Variants in PACRG observed in about 807,000 individuals in gnomAD.
PACRG encodes the protein parkin coregulated.
A neutral mutation model predicts 29.7 loss-of-function variants in PACRG; 29 were observed. That is an observed-to-expected ratio of 0.98 (90% CI 0.73 to 1.33). PACRG has a LOEUF of 1.33. Ranked by LOEUF, PACRG falls within the 40% of genes most tolerant of loss-of-function variation. The pLI, the probability that PACRG is intolerant of heterozygous loss-of-function variation, is 0.00. For synonymous variants in PACRG, 116 were observed against 118.7 expected (o/e 0.98, Z 0.15); for missense variants, 279 against 316.2 (o/e 0.88, Z 0.89).
At chr6:163,086,107 TA>T (rs1342547608) in intron 3 of PACRG, among the ~76,000 whole-genome samples, 1 of 152,220 alleles carries the variant, frequency 6.6e-6, no homozygotes, top group Non-Finnish European at 1.5e-5. Context: ...GCATAGTTGG[TA>T]GACTTTGAAA....
intron 4 of PACRG, chr6:163,101,069 C>T (rs560580696): frequency 2.9e-5 from 28 of 981,596 alleles, no homozygotes; most frequent in East Asian, 2.3e-4. Context: ...CATTTTGAGG[C>T]GGTCATACAA....
chr6:163,037,266 G>A (rs1342972018), intron 2 of PACRG, among the ~76,000 whole-genome samples: 1 of 152,204 alleles, frequency 6.6e-6, no homozygotes, highest in Non-Finnish European at 1.5e-5. Context: ...TCACCTGGGT[G>A]TCAGCAGACG....
chr6:163,090,654 T>C (rs1371773345), intron 4 of PACRG, among the ~76,000 whole-genome samples: 1 of 152,214 alleles, frequency 6.6e-6, no homozygotes, highest in Non-Finnish European at 1.5e-5. Context: ...TACCATATAG[T>C]AGCAGCAAAT....
At chr6:163,193,638 T>C (rs142179731) in intron 4 of PACRG, among the ~76,000 whole-genome samples, 51 of 152,260 alleles carry the variant, frequency 3.3e-4, no homozygotes, top group African/African-American at 1.1e-3. Flanking sequence ...TTTCTTTCTT[T>C]ATTTTTATTA....
chr6:162,886,329 T>G (rs1794330129), intron 2 of PACRG, among the ~76,000 whole-genome samples: 2 of 152,182 alleles, frequency 1.3e-5, no homozygotes, highest in South Asian at 4.1e-4. Flanking sequence ...GTCCTTCTCC[T>G]CCTTGGCCTT....
rs772052491 is a variant in PACRG, at chr6:162,728,218, A to G, written c.-18A>G. ...CTTTTACTACACTTTTTATGAGAACAAGACATTTTCTAGGAAGATGGTGGC... is the reference window on the plus strand; with the variant it reads ...CTTTTACTACACTTTTTATGAGAACGAGACATTTTCTAGGAAGATGGTGGC... On this transcript the variant is annotated 5_prime_UTR_variant, in exon 1 of 5. Coordinates refer to ENST00000366888, the MANE Select transcript of PACRG (RefSeq NM_001080379.2). 3.1e-6 allele frequency: 5 copies of G among 1,611,956 alleles called. No homozygotes were observed. The highest frequency in any genetic ancestry group is 4.2e-6 in the Non-Finnish European group (5 of 1,179,198).
intron 4 of PACRG, among the ~76,000 whole-genome samples, chr6:163,246,408 A>G (rs1782699442): frequency 6.6e-6 from 1 of 152,082 alleles, no homozygotes; most frequent in Admixed American, 6.5e-5. Context: ...TGCTGCTCAA[A>G]TTGTGCCTCC....
intron 4 of PACRG, among the ~76,000 whole-genome samples, chr6:163,139,461 G>A (rs566027123): frequency 4.6e-5 from 7 of 152,256 alleles, no homozygotes; most frequent in Admixed American, 3.3e-4. Context: ...GTGATTGCAG[G>A]GAAATTATTT....
chr6:163,073,124 G>A (rs770456084), intron 3 of PACRG, among the ~76,000 whole-genome samples: 8 of 152,044 alleles, frequency 5.3e-5, no homozygotes, highest in East Asian at 1.9e-4. Context: ...ATATGAAACC[G>A]CAAAAGACCC....
intron 2 of PACRG, among the ~76,000 whole-genome samples, chr6:163,001,926 A>G (rs1284120997): frequency 6.6e-6 from 1 of 152,220 alleles, no homozygotes; most frequent in Non-Finnish European, 1.5e-5. Context: ...TAGTGTACCC[A>G]TCTAATATAA....
chr6:162,906,463 C>T lies in PACRG; in HGVS notation c.291+92182C>T, dbSNP rs76496093. Among the ~76,000 whole-genome samples the T allele has an allele frequency of 3.7e-3, 556 of 152,234 alleles. 20 individuals carry two copies. The East Asian group carries it at 0.09, about 25-fold the overall frequency. On this transcript the variant is annotated intron_variant, in intron 2 of 4. Transcript: ENST00000366888. ...GTGCTTCCAAAACAATTTTAAATGC[C>T]AGACCGTATTTCAAACAACCGTCTA...
chr6:163,141,328 A>G (rs1817142303), intron 4 of PACRG, among the ~76,000 whole-genome samples: 1 of 152,204 alleles, frequency 6.6e-6, no homozygotes, highest in Non-Finnish European at 1.5e-5. Context: ...AAGTGAGTAC[A>G]TTAGTAAGAA....
chr6:163,149,630 G>C (rs980267387), intron 4 of PACRG, among the ~76,000 whole-genome samples: 1 of 151,898 alleles, frequency 6.6e-6, no homozygotes, highest in African/African-American at 2.4e-5. Context: ...CCTCCCCCGG[G>C]CTGCGGGTGC....
At chr6:162,733,700 CAGTT>C (rs749950335) in intron 1 of PACRG, among the ~76,000 whole-genome samples, 6 of 152,160 alleles carry the variant, frequency 3.9e-5, no homozygotes, top group Admixed American at 6.5e-5. Flanking sequence ...CTCCGGAACT[CAGTT>C]AGTGCCACGC....
chr6:163,167,683 G>GA (rs563354231), intron 4 of PACRG, among the ~76,000 whole-genome samples: 5 of 151,970 alleles, frequency 3.3e-5, no homozygotes, highest in South Asian at 2.1e-4. Flanking sequence ...TTTCTAAAAT[G>GA]AAAAAAATAG....
intron 1 of PACRG, among the ~76,000 whole-genome samples, chr6:162,741,986 A>G (rs927656820): frequency 1.3e-5 from 2 of 152,210 alleles, no homozygotes; most frequent in African/African-American, 2.4e-5. Context: ...ACCATGTTGT[A>G]CAATAGATCT....
intron 2 of PACRG, among the ~76,000 whole-genome samples, chr6:163,054,736 C>T (rs1268357360): frequency 6.6e-6 from 1 of 152,074 alleles, no homozygotes; most frequent in African/African-American, 2.4e-5. Flanking sequence ...ATCCTCATCC[C>T]ATTTTGGGGC....
rs950434510 is a variant in PACRG, at chr6:163,006,584, A to G, written c.292-55566A>G. ...TATAGATTTTTTAATTCTTTTTGCAATTCTATTAGTTTTTCTTCATATATT... is the reference window on the plus strand; with the variant it reads ...TATAGATTTTTTAATTCTTTTTGCAGTTCTATTAGTTTTTCTTCATATATT... On this transcript the variant is annotated intron_variant, in intron 2 of 4. Transcript: ENST00000366888. Among the ~76,000 whole-genome samples, 5 of 151,820 alleles carry G rather than the reference A, an allele frequency of 3.3e-5. No homozygotes were observed. In the South Asian group the frequency reaches 8.3e-4, roughly 25 times the overall value.
intron 4 of PACRG, among the ~76,000 whole-genome samples, chr6:163,171,226 T>C (rs1012055190): frequency 6.6e-6 from 1 of 151,120 alleles, no homozygotes; most frequent in Admixed American, 6.6e-5. Context: ...TGAAGAAAGA[T>C]AAAGAAGCTT....
Sources: gnomAD v4.1 joint callset for allele counts (sites outside exome capture counted in the v4.1 genomes callset) on GRCh38, gnomAD v4.1.1 for gene constraint, MANE v1.5 for transcripts, NCBI Gene and HGNC (gene_info 2026-07-23, HGNC 2026-07-21) for gene names.